Variants in DYSF observed in about 807,000 individuals in gnomAD.
DYSF encodes the protein dysferlin, also known as dystrophy-associated fer-1-like 1.
DYSF carries 212 observed loss-of-function variants against 274.9 expected under a neutral mutation model. That is an observed-to-expected ratio of 0.77 (90% CI 0.69 to 0.86). DYSF has a LOEUF of 0.86. Among genes scored for constraint, DYSF ranks in the 40% least tolerant of loss-of-function variants. DYSF has a pLI of 0.00. For missense variants in DYSF, 2,666 were observed against 2,783.2 expected, an observed-to-expected ratio of 0.96 and a Z score of 0.95; for synonymous variants, 1,091 against 1,078.7, an observed-to-expected ratio of 1.01 and a Z score of -0.22.
chr2:71,456,856 C>A (rs1243161963), intron 1 of DYSF, among the ~76,000 whole-genome samples: 1 of 152,106 alleles, frequency 6.6e-6, no homozygotes, highest in East Asian at 1.9e-4. Flanking sequence ...GGAGAGCATA[C>A]CATATGCTGC....
chr2:71,623,292 A>G (rs1384832903), intron 41 of DYSF, among the ~76,000 whole-genome samples: 1 of 151,274 alleles, frequency 6.6e-6, no homozygotes, highest in Non-Finnish European at 1.5e-5. Flanking sequence ...GTCATCTAGC[A>G]TTAGGTATAT....
At chr2:71,621,974 TAA>T (rs1278275687) in intron 41 of DYSF, among the ~76,000 whole-genome samples, 7 of 152,184 alleles carry the variant, frequency 4.6e-5, no homozygotes, top group African/African-American at 2.4e-5. Context: ...TTATATTCTT[TAA>T]AGATATGACT....
chr2:71,667,606 G>T, intron 48 of DYSF, 91 bp downstream of exon 48: 2 of 1,565,104 alleles, frequency 1.3e-6, no homozygotes, highest in South Asian at 1.1e-5. Flanking sequence ...GAGCCAGTGG[G>T]TCCCTTGAGA....
intron 9 of DYSF, 122 bp downstream of exon 9, chr2:71,516,364 G>A (rs1167853537): frequency 2.0e-5 from 19 of 959,656 alleles, no homozygotes; most frequent in Admixed American, 3.9e-5. Flanking sequence ...GCGTGAATGC[G>A]TGTGTGTGCC....
chr2:71,537,255 C>T (rs1250400508), intron 16 of DYSF, among the ~76,000 whole-genome samples: 7 of 45,190 alleles, frequency 1.5e-4, no homozygotes, highest in Admixed American at 3.3e-4. Flanking sequence ...TTGCGGGGGG[C>T]GTGGTGGGAG....
In DYSF at chr2:71,658,943, C is replaced by T. The variant is rs771742780; in HGVS notation, c.4821C>T (p.His1607=). The change falls in exon 44 of 56, where the codon CAC becomes CAT. Residue 1607 remains histidine (H), a synonymous_variant. Transcript: ENST00000410020. ...TCCCCATGCCCCCAAGACAGTTCCA[C>T]CAGCTGGCCGCCCAGGGACCCCAGG... is the stretch of plus-strand genomic sequence containing the variant. ...PAIPMPPRQF[H]QLAAQGPQEC... 8.1e-6 allele frequency: 13 copies of T among 1,614,098 alleles called. No individual in the cohort carries two copies. In the Admixed American group the frequency reaches 2.2e-4, roughly 27 times the overall value.
At chr2:71,457,074 G>A (rs781333185) in intron 1 of DYSF, among the ~76,000 whole-genome samples, 3 of 152,176 alleles carry the variant, frequency 2.0e-5, no homozygotes, top group Non-Finnish European at 4.4e-5. Context: ...AAGCACAAAA[G>A]CATACCATTG....
intron 26 of DYSF, among the ~76,000 whole-genome samples, chr2:71,568,926 G>A (rs958182415): frequency 2.0e-5 from 3 of 150,902 alleles, no homozygotes; most frequent in African/African-American, 4.9e-5. Context: ...AGGCTGGAGT[G>A]CAGTGGCGCG....
rs537460959 is a variant in DYSF at position 71,516,346 on chromosome 2, G to A, written c.951+104G>A. On this transcript the variant is annotated intron_variant, in intron 9 of 55. Coordinates refer to ENST00000410020, the MANE Select transcript of DYSF (RefSeq NM_001130987.2). ...TGCACGTGTGTGCATGTGCACGTCA[G>A]TGTGAATGCGTGAATGCGTGTGTGT... 1,169 of 1,113,762 alleles carry A rather than the reference G, an allele frequency of 1.0e-3. 4 individuals carry two copies. The highest frequency in any genetic ancestry group is 3.3e-3 in the Middle Eastern group (14 of 4,270). The allele number at this position is 1,113,762 out of a possible 1,614,324, so 69.0% of individuals were successfully genotyped here. A position where few individuals can be genotyped will look rare whatever the true frequency, so the allele number is the denominator to read the frequency against.
Position 71,528,379 on chromosome 2 carries a change from A to T in DYSF, c.1358A>T (p.Glu453Val), listed in dbSNP as rs927554623. The change falls in exon 14 of 56, where the codon GAG (glutamate) becomes GTG (valine). Residue 453 changes from glutamate to valine, a missense_variant. Physicochemically the swap from Glu to Val is moderately radical, Grantham distance 121 (BLOSUM62 -2). Transcript: ENST00000410020. The part of the protein sequence containing the change: ...NKKNLVDPFV[E>V]VSFAGKMLCS... ...AAGAACTTGGTGGACCCCTTTGTGG[A>T]GGTCAGCTTTGCGGGGAAAATGGTA... 12 of 1,613,958 alleles carry T rather than the reference A, an allele frequency of 7.4e-6. No homozygotes were observed. The highest frequency in any genetic ancestry group is 1.0e-5 in the Non-Finnish European group (12 of 1,179,994).
At chr2:71,574,147 C>T (rs557510311) in intron 29 of DYSF, 51 bp from the exon 30 acceptor site, 1 of 1,600,476 alleles carries the variant, frequency 6.2e-7, no homozygotes, top group Admixed American at 1.7e-5. Context: ...GAGCACAGAA[C>T]TCCCCCCAGC....
chr2:71,498,113 C>T (rs2084597615), intron 3 of DYSF, among the ~76,000 whole-genome samples: 1 of 152,030 alleles, frequency 6.6e-6, no homozygotes, highest in African/African-American at 2.4e-5. Context: ...CTAAATGGGT[C>T]CTGTTAAGAA....
intron 42 of DYSF, among the ~76,000 whole-genome samples, chr2:71,652,884 G>A (rs1364796856): frequency 2.6e-5 from 4 of 152,166 alleles, no homozygotes; most frequent in Non-Finnish European, 5.9e-5. Context: ...GGGAGAAGAA[G>A]TTTAAACAAA....
chr2:71,612,632 T>G lies in DYSF; in HGVS notation c.4222-9T>G. The G allele has an allele frequency of 6.2e-7, 1 of 1,613,668 alleles. No homozygotes were observed. Among genetic ancestry groups the G allele is most frequent in the Non-Finnish European group, 8.5e-7 (1 of 1,179,682 alleles). On this transcript the variant is annotated splice_polypyrimidine_tract_variant and intron_variant, in intron 38 of 55. Coordinates refer to ENST00000410020, the MANE Select transcript of DYSF (RefSeq NM_001130987.2). ...ATTCAGGCCAGTGCGTTCTTCCTCC[T>G]CCACCCAGATGCTGCCCAGGGAGGA...
chr2:71,546,611 G>A (rs1360653805), intron 17 of DYSF, among the ~76,000 whole-genome samples: 1 of 152,228 alleles, frequency 6.6e-6, no homozygotes, highest in African/African-American at 2.4e-5. Context: ...TAACAGGCAC[G>A]TGAGCTCTGT....
intron 55 of DYSF, among the ~76,000 whole-genome samples, chr2:71,683,288 C>G (rs2152972927): frequency 6.6e-6 from 1 of 152,212 alleles, no homozygotes; most frequent in African/African-American, 2.4e-5. Flanking sequence ...TGGTAAGAAG[C>G]CAATTGATGA....
At chr2:71,502,890 C>T (rs2085126552) in intron 3 of DYSF, among the ~76,000 whole-genome samples, 1 of 152,094 alleles carries the variant, frequency 6.6e-6, no homozygotes, top group Non-Finnish European at 1.5e-5. Flanking sequence ...CTGTCAAGGG[C>T]TCATGGGAAG....
At chr2:71,477,177 C>T (rs1189085635) in intron 1 of DYSF, among the ~76,000 whole-genome samples, 5 of 152,038 alleles carry the variant, frequency 3.3e-5, no homozygotes, top group Non-Finnish European at 7.4e-5. Flanking sequence ...AGCAGGAGCA[C>T]TGGGACAAAG....
intron 40 of DYSF, among the ~76,000 whole-genome samples, chr2:71,616,226 G>A (rs545813700): frequency 4.6e-5 from 7 of 152,208 alleles, no homozygotes; most frequent in Non-Finnish European, 7.4e-5. Flanking sequence ...GACTCAAAAC[G>A]TGTATAAGGC....
Sources: allele counts gnomAD v4.1 joint callset (sites outside exome capture counted in the v4.1 genomes callset), GRCh38; gene constraint gnomAD v4.1.1; transcripts MANE v1.5; gene names NCBI Gene and HGNC (gene_info 2026-07-23, HGNC 2026-07-21).